IARS1: variants seen among roughly 807,000 people sequenced by gnomAD.
The protein encoded by IARS1 is isoleucine--tRNA ligase, cytoplasmic.
IARS1 carries 124 observed loss-of-function variants against 168.2 expected under a neutral mutation model. That is an observed-to-expected ratio of 0.74 (90% CI 0.64 to 0.86). The LOEUF is 0.86. IARS1 is among the 40% of genes least tolerant of loss of function. The probability of loss-of-function intolerance (pLI) is 0.00; values close to 1 mark genes in which losing one functional copy is unlikely to be tolerated. For missense variants in IARS1, 1,452 were observed against 1,515.8 expected (o/e 0.96, Z 0.70); for synonymous variants, 532 against 529.4 (o/e 1.00, Z -0.07).
intron 14 of IARS1, among the ~76,000 whole-genome samples, chr9:92,265,896 C>A (rs1222222580): frequency 6.6e-6 from 1 of 152,192 alleles, no homozygotes; most frequent in African/African-American, 2.4e-5. Context: ...TGGACTCGAG[C>A]TATCAGCCAC....
intron 10 of IARS1, among the ~76,000 whole-genome samples, chr9:92,272,185 CTG>C (rs1833142724): frequency 6.6e-6 from 1 of 152,228 alleles, no homozygotes; most frequent in Non-Finnish European, 1.5e-5. Flanking sequence ...GTCTTCATCA[CTG>C]TGTTATGATG....
At position 92,278,222 on chromosome 9, in the gene IARS1, C is replaced by T. The variant is rs1212986724; in HGVS notation, c.810G>A (p.Glu270=). The change falls in exon 8 of 34, where the codon GAG becomes GAA. Residue 270 remains glutamate (E), a synonymous_variant. Transcript: ENST00000443024. The part of the protein sequence containing the change: ...EARLSALYKL[E]SDYEILERFP... ...ACCTTTCAAGGATCTCATAGTCACT[C>T]TCCAATTTATAGAGGGCTGACAATC... 1.9e-6 allele frequency: 3 copies of T among 1,608,472 alleles called. No homozygotes were observed. The African/African-American group carries it at 4.0e-5, about 21-fold the overall frequency.
intron 29 of IARS1, among the ~76,000 whole-genome samples, chr9:92,241,839 A>C (rs898940767): frequency 6.6e-6 from 1 of 152,170 alleles, no homozygotes; most frequent in Admixed American, 6.5e-5. Context: ...ACTTTTAATG[A>C]TAATTACCAG....
At chr9:92,292,016 CTTTTT>C (rs35644715) in intron 1 of IARS1, among the ~76,000 whole-genome samples, 3 of 126,928 alleles carry the variant, frequency 2.4e-5, no homozygotes, top group Non-Finnish European at 4.9e-5. Context: ...AGGATCATTC[CTTTTT>C]TTTTTTTTTT....
intron 20 of IARS1, among the ~76,000 whole-genome samples, chr9:92,255,401 T>C (rs535281037): frequency 6.6e-6 from 1 of 152,264 alleles, no homozygotes; most frequent in East Asian, 1.9e-4. Context: ...AGGGCCTCTG[T>C]CCACCCACTT....
intron 30 of IARS1, among the ~76,000 whole-genome samples, chr9:92,230,772 T>G (rs1826546039): frequency 6.6e-6 from 1 of 152,240 alleles, no homozygotes; most frequent in African/African-American, 2.4e-5. Context: ...TGTCACTACT[T>G]GCAATTTTAG....
In IARS1 at chr9:92,242,262, A is replaced by G; in HGVS notation, c.3069T>C (p.Asn1023=). The G allele has an allele frequency of 1.2e-6, 2 of 1,613,778 alleles. No individual in the cohort carries two copies. The highest frequency in any genetic ancestry group is 1.7e-6 in the Non-Finnish European group (2 of 1,179,616). The change falls in exon 29 of 34, where the codon AAT becomes AAC. Residue 1023 remains asparagine (N), a synonymous_variant. Transcript: ENST00000443024. ...YKAKSEGTYL[N]SVIESHTEFI... is the part of the protein sequence containing the mutation. ...ACTCTGTGTGGCTTTCAATAACACT[A>G]TTCAGATATGTTCCTTCAGACTTTG...
At chr9:92,236,577 T>G (rs1827567019) in intron 30 of IARS1, among the ~76,000 whole-genome samples, 2 of 152,224 alleles carry the variant, frequency 1.3e-5, no homozygotes, top group African/African-American at 4.8e-5. Flanking sequence ...CCAGGAACAG[T>G]GGCTCAAACC....
chr9:92,265,663 T>G (rs550160941), intron 14 of IARS1, 110 bp from the exon 15 acceptor site: 4 of 927,342 alleles, frequency 4.3e-6, no homozygotes, highest in South Asian at 4.1e-5. Context: ...ATTTTCTTTT[T>G]CCTTTTTTTT....
intron 10 of IARS1, among the ~76,000 whole-genome samples, chr9:92,272,588 G>A (rs1421793421): frequency 1.3e-5 from 2 of 152,180 alleles, no homozygotes; most frequent in Admixed American, 6.5e-5. Flanking sequence ...AGTGGCTCAC[G>A]CCTGTAACCC....
chr9:92,223,762 T>G (rs1431188739), intron 31 of IARS1, among the ~76,000 whole-genome samples: 6 of 152,204 alleles, frequency 3.9e-5, no homozygotes, highest in Admixed American at 3.9e-4. Flanking sequence ...CTCTGTATAA[T>G]ACAGCTCCTC....
At chr9:92,215,061 G>C (rs1838415241) in intron 33 of IARS1, among the ~76,000 whole-genome samples, 1 of 152,172 alleles carries the variant, frequency 6.6e-6, no homozygotes, top group African/African-American at 2.4e-5. Flanking sequence ...CTCCCAGCAT[G>C]CAGCTGGAGA....
At chr9:92,282,797 C>G (rs1564187612) in intron 6 of IARS1, among the ~76,000 whole-genome samples, 1 of 149,378 alleles carries the variant, frequency 6.7e-6, no homozygotes, top group East Asian at 1.9e-4. Flanking sequence ...AAGTTTTAAG[C>G]CAATACATAT....
chr9:92,260,774 G>A (rs778493648), intron 17 of IARS1, among the ~76,000 whole-genome samples: 3 of 152,216 alleles, frequency 2.0e-5, no homozygotes, highest in Non-Finnish European at 4.4e-5. Flanking sequence ...GAAGAAGAAA[G>A]ATGTGTCAGA....
intron 18 of IARS1, among the ~76,000 whole-genome samples, chr9:92,259,737 T>C (rs1444095913): frequency 6.6e-6 from 1 of 152,194 alleles, no homozygotes; most frequent in Non-Finnish European, 1.5e-5. Context: ...CAAAAGCTTT[T>C]CAATATGAGT....
chr9:92,278,106 G>C, intron 8 of IARS1, 93 bp downstream of exon 8: 1 of 1,108,002 alleles, frequency 9.0e-7, no homozygotes, highest in Non-Finnish European at 1.4e-6. Flanking sequence ...AATAATGCAA[G>C]CTTTTGGATA....
intron 26 of IARS1, 141 bp from the exon 27 acceptor site, chr9:92,245,212 C>T: frequency 1.5e-6 from 1 of 667,154 alleles, no homozygotes. Flanking sequence ...CCCTCTGACT[C>T]ATGTCATGGT....
At chr9:92,251,010 T>C (rs1402526716) in intron 22 of IARS1, 176 bp from the exon 23 acceptor site, 5 of 660,670 alleles carry the variant, frequency 7.6e-6, no homozygotes, top group African/African-American at 1.8e-5. Context: ...CCCTGAAGCA[T>C]AGCTGCAGGA....
intron 1 of IARS1, among the ~76,000 whole-genome samples, chr9:92,290,024 T>C (rs1389826216): frequency 6.6e-6 from 1 of 152,222 alleles, no homozygotes; most frequent in East Asian, 1.9e-4. Context: ...AACATTCACA[T>C]ACAAAATTTT....
Sources: gnomAD v4.1 joint callset for allele counts (sites outside exome capture counted in the v4.1 genomes callset) on GRCh38, gnomAD v4.1.1 for gene constraint, MANE v1.5 for transcripts, NCBI Gene and HGNC (gene_info 2026-07-23, HGNC 2026-07-21) for gene names.